The following ARHGEF26 variants were observed in gnomAD, a reference collection of about 807,000 sequenced individuals.
The protein encoded by ARHGEF26 is Rho guanine nucleotide exchange factor (GEF) 26.
Under a neutral mutation model 89.4 loss-of-function variants are expected in ARHGEF26, and 59 were observed. That is an observed-to-expected ratio of 0.66 (90% CI 0.54 to 0.82). The LOEUF (loss-of-function observed/expected upper bound fraction) is 0.82, where lower values mean the gene tolerates loss of function less well. Ranked by LOEUF, ARHGEF26 falls within the 40% of genes least tolerant of loss-of-function variation. The pLI is 0.00. For missense variants in ARHGEF26, 1,234 were observed against 1,085.6 expected, an observed-to-expected ratio of 1.14 and a Z score of -1.92; for synonymous variants, 500 against 428.4, an observed-to-expected ratio of 1.17 and a Z score of -2.06.
intron 10 of ARHGEF26, among the ~76,000 whole-genome samples, chr3:154,220,803 A>G (rs1182909611): frequency 1.3e-5 from 2 of 152,340 alleles, no homozygotes; most frequent in East Asian, 3.9e-4. Flanking sequence ...TTAAAAGAAA[A>G]AAGTCCTAAT....
At chr3:154,239,262 GAGAGAGA>G (rs1717316154) in intron 11 of ARHGEF26, among the ~76,000 whole-genome samples, 5 of 85,130 alleles carry the variant, frequency 5.9e-5, no homozygotes, top group African/African-American at 2.0e-4. Context: ...GAGAGAGAGG[GAGAGAGA>G]GAGAGAGAGA....
At position 154,256,266 on chromosome 3, in the gene ARHGEF26, A is replaced by G; in HGVS notation, c.*793A>G. 1.0e-6 allele frequency: 1 copy of G among 984,904 alleles called. No individual in the cohort carries two copies. Among genetic ancestry groups the G allele is most frequent in the Non-Finnish European group, 1.2e-6 (1 of 829,466 alleles). 61.0% of individuals were successfully genotyped at this position (984,904 alleles called of 1,614,324 possible). On this transcript the variant is annotated 3_prime_UTR_variant, in exon 15 of 15. Transcript: ENST00000465093. ...ACTTTTTTCCCCACCTCTGTCGCCC[A>G]GGCTAGAGTATAGTGGTGTGATCTT...
chr3:154,210,816 A>C (rs1559901401), intron 9 of ARHGEF26, among the ~76,000 whole-genome samples: 1 of 151,336 alleles, frequency 6.6e-6, no homozygotes, highest in Non-Finnish European at 1.5e-5. Flanking sequence ...GGTGGTGGGC[A>C]CCTGTAATCC....
chr3:154,136,736 ATT>A (rs1394448145), intron 4 of ARHGEF26, among the ~76,000 whole-genome samples: 1 of 152,108 alleles, frequency 6.6e-6, no homozygotes, highest in East Asian at 1.9e-4. Flanking sequence ...ATTTGTCTGA[ATT>A]TTCAGTTGTT....
chr3:154,129,875 A>G (rs1173410203), intron 4 of ARHGEF26, among the ~76,000 whole-genome samples, 156 bp downstream of exon 4: 2 of 152,230 alleles, frequency 1.3e-5, no homozygotes, highest in African/African-American at 4.8e-5. Context: ...CTCTGCCCGC[A>G]CTAATGAGAA....
At chr3:154,158,414 T>C (rs1449110178) in intron 6 of ARHGEF26, among the ~76,000 whole-genome samples, 1 of 152,178 alleles carries the variant, frequency 6.6e-6, no homozygotes, top group African/African-American at 2.4e-5. Flanking sequence ...ATTTGGGGAG[T>C]TAGAATCCTA....
chr3:154,161,751 C>T (rs184371083), intron 6 of ARHGEF26, among the ~76,000 whole-genome samples: 1 of 152,120 alleles, frequency 6.6e-6, no homozygotes, highest in Admixed American at 6.6e-5. Flanking sequence ...TAAATAGATT[C>T]TTCCATAATC....
At chr3:154,207,348 T>C (rs1483353369) in intron 9 of ARHGEF26, among the ~76,000 whole-genome samples, 2 of 152,254 alleles carry the variant, frequency 1.3e-5, no homozygotes, top group South Asian at 2.1e-4. Context: ...ATTTCTGTAA[T>C]CTATGCATCT....
At chr3:154,169,206 C>T (rs1464167886) in intron 6 of ARHGEF26, among the ~76,000 whole-genome samples, 1 of 152,100 alleles carries the variant, frequency 6.6e-6, no homozygotes, top group African/African-American at 2.4e-5. Context: ...GTCTCAATTC[C>T]TCATCTGCTA....
intron 1 of ARHGEF26, 74 bp downstream of exon 1, chr3:154,121,593 A>C: frequency 5.3e-6 from 1 of 189,338 alleles, no homozygotes. Context: ...GGATGGCGAC[A>C]GAAGGGAGCG....
At chr3:154,221,148 A>AG (rs1305353486) in intron 10 of ARHGEF26, among the ~76,000 whole-genome samples, 1 of 146,306 alleles carries the variant, frequency 6.8e-6, no homozygotes, top group Non-Finnish European at 1.5e-5. Context: ...GTGTAAAACA[A>AG]AAAAAAAAAA....
At chr3:154,153,243 A>G (rs1274177429) in intron 6 of ARHGEF26, among the ~76,000 whole-genome samples, 3 of 152,118 alleles carry the variant, frequency 2.0e-5, no homozygotes, top group Non-Finnish European at 4.4e-5. Context: ...ATATTCATCC[A>G]TTTCAGTAAA....
intron 6 of ARHGEF26, among the ~76,000 whole-genome samples, chr3:154,175,550 G>A (rs1173111534): frequency 6.6e-6 from 1 of 152,092 alleles, no homozygotes; most frequent in African/African-American, 2.4e-5. Context: ...AGATAATTTA[G>A]TAAAGATAAA....
At chr3:154,240,670 T>C (rs1717435074) in intron 12 of ARHGEF26, 91 bp downstream of exon 12, 2 of 1,196,048 alleles carry the variant, frequency 1.7e-6, no homozygotes, top group African/African-American at 1.5e-5. Flanking sequence ...AAACAGCAGC[T>C]ACTATTCATG....
At chr3:154,204,824 C>T (rs754289599) in intron 9 of ARHGEF26, among the ~76,000 whole-genome samples, 2 of 152,082 alleles carry the variant, frequency 1.3e-5, no homozygotes, top group African/African-American at 4.8e-5. Flanking sequence ...TATTTGTACA[C>T]GTTCCAAAAT....
chr3:154,253,105 C>T lies in ARHGEF26; in HGVS notation c.2301-11C>T. The T allele has an allele frequency of 2.5e-6, 4 of 1,613,844 alleles. No homozygotes were observed. Among genetic ancestry groups the T allele is most frequent in the Non-Finnish European group, 3.4e-6 (4 of 1,179,802 alleles). ...CTTGAGTCTCTCAGTTGGATCTGCC[C>T]TCTGTTTTAGGAGCGAGCGAGCCCG... On this transcript the variant is annotated splice_polypyrimidine_tract_variant and intron_variant, in intron 12 of 14. Coordinates refer to ENST00000465093, the MANE Select transcript of ARHGEF26 (RefSeq NM_015595.4).
chr3:154,215,805 C>T (rs1715682350), intron 9 of ARHGEF26, among the ~76,000 whole-genome samples: 1 of 151,964 alleles, frequency 6.6e-6, no homozygotes, highest in Non-Finnish European at 1.5e-5. Context: ...ACTCTCATGA[C>T]CTAATAACCT....
At chr3:154,131,683 G>C (rs1235401026) in intron 4 of ARHGEF26, among the ~76,000 whole-genome samples, 1 of 152,130 alleles carries the variant, frequency 6.6e-6, no homozygotes, top group African/African-American at 2.4e-5. Context: ...GCAGCAGCTG[G>C]GTTTGTTAGC....
At chr3:154,208,957 G>A (rs1715202072) in intron 9 of ARHGEF26, among the ~76,000 whole-genome samples, 1 of 151,632 alleles carries the variant, frequency 6.6e-6, no homozygotes, top group Non-Finnish European at 1.5e-5. Context: ...AGTGGAGACG[G>A]GGTTTCACCG....
Sources: allele counts gnomAD v4.1 joint callset (sites outside exome capture counted in the v4.1 genomes callset), GRCh38; gene constraint gnomAD v4.1.1; transcripts MANE v1.5; gene names NCBI Gene and HGNC (gene_info 2026-07-23, HGNC 2026-07-21).